Variants in CSRNP3 observed in about 807,000 individuals in gnomAD.
The protein encoded by CSRNP3 is cysteine/serine-rich nuclear protein 3.
In CSRNP3, 12 loss-of-function variants were observed where a neutral mutation model predicts 48.0. The ratio of observed to expected loss-of-function variants is 0.25; its 90% CI spans 0.16 to 0.41. The LOEUF is 0.41. Among genes scored for constraint, CSRNP3 ranks in the 10% least tolerant of loss-of-function variants. The pLI, the probability that CSRNP3 is intolerant of heterozygous loss-of-function variation, is 1.00. For missense variants in CSRNP3, 580 were observed against 724.4 expected, an observed-to-expected ratio of 0.80 and a Z score of 2.29; for synonymous variants, 263 against 269.7, an observed-to-expected ratio of 0.98 and a Z score of 0.24.
At chr2:165,570,741 C>A (rs1196180470) in intron 3 of CSRNP3, among the ~76,000 whole-genome samples, 3 of 151,826 alleles carry the variant, frequency 2.0e-5, no homozygotes, top group African/African-American at 7.3e-5. Context: ...CAAAGTTTTG[C>A]AGCTTTAGCA....
intron 2 of CSRNP3, among the ~76,000 whole-genome samples, chr2:165,513,428 A>G (rs1405492535): frequency 6.6e-6 from 1 of 152,146 alleles, no homozygotes; most frequent in Non-Finnish European, 1.5e-5. Flanking sequence ...GAAGTCGTCA[A>G]CTTAGAGGTC....
At chr2:165,492,005 A>G (rs1327497852) in intron 1 of CSRNP3, among the ~76,000 whole-genome samples, 4 of 151,700 alleles carry the variant, frequency 2.6e-5, no homozygotes, top group Non-Finnish European at 5.9e-5. Context: ...GATGAAATTA[A>G]GTAACCAAAT....
At chr2:165,573,013 T>G (rs1284383921) in intron 3 of CSRNP3, among the ~76,000 whole-genome samples, 2 of 152,130 alleles carry the variant, frequency 1.3e-5, no homozygotes, top group African/African-American at 4.8e-5. Flanking sequence ...CAAAATTTGT[T>G]GATGTGTGTT....
At chr2:165,648,754 T>C (rs1209844580) in intron 4 of CSRNP3, among the ~76,000 whole-genome samples, 5 of 152,194 alleles carry the variant, frequency 3.3e-5, no homozygotes, top group Non-Finnish European at 7.3e-5. Context: ...AGTGATCATC[T>C]TTTGTGAGTT....
chr2:165,496,505 C>T (rs532629135), intron 2 of CSRNP3, among the ~76,000 whole-genome samples: 3 of 152,068 alleles, frequency 2.0e-5, no homozygotes, highest in African/African-American at 7.2e-5. Flanking sequence ...ATCTTAAAAG[C>T]TGGAGAGAAT....
At chr2:165,577,600 A>G (rs1378176460) in intron 3 of CSRNP3, among the ~76,000 whole-genome samples, 3 of 151,922 alleles carry the variant, frequency 2.0e-5, no homozygotes, top group South Asian at 4.1e-4. Context: ...TAGTCCAACC[A>G]TGATATTCAC....
At chr2:165,563,981 G>T (rs1023073647) in intron 3 of CSRNP3, among the ~76,000 whole-genome samples, 7 of 151,946 alleles carry the variant, frequency 4.6e-5, no homozygotes, top group Non-Finnish European at 1.5e-5. Context: ...TTGGCAGCTG[G>T]CTCTGTGGTG....
chr2:165,560,486 G>A (rs571835017), intron 3 of CSRNP3, among the ~76,000 whole-genome samples: 25 of 152,178 alleles, frequency 1.6e-4, no homozygotes, highest in African/African-American at 5.8e-4. Flanking sequence ...CTCTTCTGTC[G>A]TGATACTCTG....
chr2:165,607,545 T>A (rs1234825147), intron 4 of CSRNP3, among the ~76,000 whole-genome samples: 6 of 152,196 alleles, frequency 3.9e-5, no homozygotes, highest in African/African-American at 1.4e-4. Flanking sequence ...TTCTGTGCTA[T>A]AAATACACTA....
chr2:165,547,192 G>C (rs543463380), intron 3 of CSRNP3, among the ~76,000 whole-genome samples: 2 of 152,146 alleles, frequency 1.3e-5, no homozygotes, highest in South Asian at 4.1e-4. Flanking sequence ...TTATTATGAT[G>C]TCACTACTCA....
intron 2 of CSRNP3, among the ~76,000 whole-genome samples, chr2:165,500,342 TATATATGTATATGTATACATAC>T (rs1369173480): frequency 2.0e-5 from 3 of 150,522 alleles, no homozygotes; most frequent in African/African-American, 7.3e-5. Context: ...TATACATATG[TATATATGTATATGTATACATAC>T]ATATATGTAT....
At chr2:165,650,162 A>T (rs1011561828) in intron 4 of CSRNP3, among the ~76,000 whole-genome samples, 2 of 152,186 alleles carry the variant, frequency 1.3e-5, no homozygotes, top group Non-Finnish European at 2.9e-5. Flanking sequence ...CACTTAAACA[A>T]TGTATTACTA....
chr2:165,595,413 T>C (rs1015852284), intron 4 of CSRNP3, among the ~76,000 whole-genome samples, 200 bp downstream of exon 4: 2 of 152,220 alleles, frequency 1.3e-5, no homozygotes, highest in Non-Finnish European at 2.9e-5. Context: ...CAGTGGATTA[T>C]TTGATTGTAT....
chr2:165,634,027 C>G (rs1686586069), intron 4 of CSRNP3, among the ~76,000 whole-genome samples: 1 of 152,148 alleles, frequency 6.6e-6, no homozygotes, highest in African/African-American at 2.4e-5. Context: ...AATATTTATT[C>G]ATAGACTATC....
rs142921916 is a variant in CSRNP3 at position 165,679,689 on chromosome 2, C to A, written c.1694C>A (p.Ala565Glu). The A allele has an allele frequency of 2.1e-4, 347 of 1,614,094 alleles. No individual in the cohort carries two copies. Among genetic ancestry groups the A allele is most frequent in the Non-Finnish European group, 2.9e-4 (337 of 1,179,984 alleles). The change falls in exon 7 of 7, where the codon GCA becomes GAA. Residue 565 changes from alanine (A) to glutamate (E), a missense_variant. Physicochemically the swap from Ala to Glu is moderately radical, Grantham distance 107 (BLOSUM62 -1). Transcript: ENST00000651982. ...CCTGCTGAAAATTCTTTGAGCCTTGCAGAAAAGAGCATATTGCATGAAGAG... is the reference window on the plus strand; with the variant it reads ...CCTGCTGAAAATTCTTTGAGCCTTGAAGAAAAGAGCATATTGCATGAAGAG... The part of the protein sequence containing the change: ...EHPAENSLSL[A>E]EKSILHEECI...
At chr2:165,512,055 G>A (rs1574812995) in intron 2 of CSRNP3, among the ~76,000 whole-genome samples, 1 of 152,162 alleles carries the variant, frequency 6.6e-6, no homozygotes, top group South Asian at 2.1e-4. Context: ...GGAAGTGTGA[G>A]CATTTGTGGA....
rs1444948531 is a variant in CSRNP3 at position 165,679,142 on chromosome 2, G to C, written c.1147G>C (p.Glu383Gln). The change falls in exon 7 of 7, where the codon GAG becomes CAG. Residue 383 changes from glutamate (E) to glutamine (Q), a missense_variant. By Grantham distance (29) the Glu-to-Gln change is conservative. This residue lies in a region of CSRNP3 where 369 missense variants were observed against 380.8 expected (regional missense o/e 0.97). Transcript: ENST00000651982. ...GGAAGAAGAAGAGGAAGAGGAGGAG[G>C]AGGATGACGATGATGACAAAGGAGA... ...EEEEEEEEEE[E>Q]DDDDDKGDGF... is the part of the protein sequence containing the mutation. 6.2e-7 allele frequency: 1 copy of C among 1,613,842 alleles called. No individual in the cohort carries two copies. Among genetic ancestry groups the C allele is most frequent in the East Asian group, 2.2e-5 (1 of 44,802 alleles).
chr2:165,618,176 G>C (rs1441470965), intron 4 of CSRNP3, among the ~76,000 whole-genome samples: 1 of 152,192 alleles, frequency 6.6e-6, no homozygotes, highest in Non-Finnish European at 1.5e-5. Context: ...TAGGATTGCA[G>C]GTATCTATGA....
chr2:165,549,563 A>G (rs1167254820), intron 3 of CSRNP3, among the ~76,000 whole-genome samples: 1 of 151,984 alleles, frequency 6.6e-6, no homozygotes, highest in Admixed American at 6.6e-5. Flanking sequence ...ATATAACATT[A>G]TTTTTCTCGA....
Sources: gnomAD v4.1 joint callset for allele counts (sites outside exome capture counted in the v4.1 genomes callset) on GRCh38, gnomAD v4.1.1 for gene constraint, gnomAD v4.1.1 regional missense constraint, MANE v1.5 for transcripts, NCBI Gene and HGNC (gene_info 2026-07-23, HGNC 2026-07-21) for gene names.